The following PRRX1 variants were observed in gnomAD, a reference collection of about 807,000 sequenced individuals.
The protein encoded by PRRX1 is paired mesoderm homeobox protein 1.
A neutral mutation model predicts 24.0 loss-of-function variants in PRRX1; 8 were observed. The observed-to-expected ratio is 0.33, with a 90% CI of 0.20 to 0.60. The LOEUF (loss-of-function observed/expected upper bound fraction) is 0.60, where lower values mean the gene tolerates loss of function less well. Ranked by LOEUF, PRRX1 falls within the 20% of genes least tolerant of loss-of-function variation. PRRX1 has a pLI of 0.82. For synonymous variants in PRRX1, 160 were observed against 131.7 expected (o/e 1.22, Z -1.47); for missense variants, 281 against 322.4 (o/e 0.87, Z 0.98).
At chr1:170,679,861 A>C (rs1322852338) in intron 1 of PRRX1, among the ~76,000 whole-genome samples, 2 of 152,212 alleles carry the variant, frequency 1.3e-5, no homozygotes, top group East Asian at 3.8e-4. Flanking sequence ...GTTTATCTTT[A>C]TCTTCTTTTC....
chr1:170,686,701 A>G (rs1653754752), intron 1 of PRRX1, among the ~76,000 whole-genome samples: 1 of 152,148 alleles, frequency 6.6e-6, no homozygotes, highest in South Asian at 2.1e-4. Context: ...TTGCCTGCAT[A>G]TGGATTTACC....
At chr1:170,684,082 T>C (rs1431854688) in intron 1 of PRRX1, among the ~76,000 whole-genome samples, 1 of 152,198 alleles carries the variant, frequency 6.6e-6, no homozygotes, top group Admixed American at 6.5e-5. Context: ...GGATCTAAAA[T>C]TGTGCCTCAC....
intron 1 of PRRX1, among the ~76,000 whole-genome samples, chr1:170,677,685 G>T (rs962743291): frequency 4.6e-5 from 7 of 152,106 alleles, no homozygotes; most frequent in Admixed American, 1.3e-4. Flanking sequence ...TACTTATACC[G>T]CCACACCATG....
In PRRX1 at chr1:170,737,624, A is replaced by G. The variant is rs1655662035; in HGVS notation, c.*1438A>G. 1 of 215,660 alleles carries G rather than the reference A, an allele frequency of 4.6e-6. No homozygotes were observed. Among genetic ancestry groups the G allele is most frequent in the East Asian group, 6.8e-5 (1 of 14,630 alleles). 13.4% of individuals were successfully genotyped at this position (215,660 alleles called of 1,614,324 possible). A position where few individuals can be genotyped will look rare whatever the true frequency, so the allele number is the denominator to read the frequency against. ...AACATTTAAAAGGCAATTGTGGGCT[A>G]TTTTTATTTTTTAATATTTTGAAAT... is the stretch of plus-strand genomic sequence containing the variant. On this transcript the variant is annotated 3_prime_UTR_variant, in exon 4 of 4. Transcript: ENST00000239461.
chr1:170,695,519 T>C (rs777263437), intron 1 of PRRX1, among the ~76,000 whole-genome samples: 1 of 152,208 alleles, frequency 6.6e-6, no homozygotes, highest in Non-Finnish European at 1.5e-5. Flanking sequence ...GCTATTCTTC[T>C]CTGCTGGGGA....
intron 2 of PRRX1, among the ~76,000 whole-genome samples, chr1:170,724,599 T>C (rs915428933): frequency 6.6e-6 from 1 of 152,194 alleles, no homozygotes; most frequent in Non-Finnish European, 1.5e-5. Flanking sequence ...GTTGTAAATG[T>C]ACAGTCTTTT....
In PRRX1 at chr1:170,737,098, C is replaced by T. The variant is rs918032005; in HGVS notation, c.*912C>T. On this transcript the variant is annotated 3_prime_UTR_variant, in exon 4 of 4. Transcript: ENST00000239461. ...CTAAAAGGCATGCCCACATCTCTTT[C>T]GTGCCTTAAGGATAGTGAGATGCAC... is the stretch of plus-strand genomic sequence containing the variant. The T allele has an allele frequency of 1.7e-5, 3 of 179,322 alleles. No individual in the cohort carries two copies. Among genetic ancestry groups the T allele is most frequent in the African/African-American group, 2.4e-5 (1 of 42,018 alleles). 11.1% of individuals were successfully genotyped at this position (179,322 alleles called of 1,614,324 possible). A position where few individuals can be genotyped will look rare whatever the true frequency, so the allele number is the denominator to read the frequency against.
At position 170,682,273 on chromosome 1, in the gene PRRX1, A is replaced by C. The variant is rs144051939; in HGVS notation, c.241+17814A>C. On this transcript the variant is annotated intron_variant, in intron 1 of 3. Coordinates refer to ENST00000239461, the MANE Select transcript of PRRX1 (RefSeq NM_022716.4). ...CTTCTCCCCTGACCTCTAAGGTCTGAATTCAATGTTCCTTCTGTGTGCTCC... is the reference window on the plus strand; with the variant it reads ...CTTCTCCCCTGACCTCTAAGGTCTGCATTCAATGTTCCTTCTGTGTGCTCC... 5.2e-3 allele frequency among the ~76,000 whole-genome samples: 787 copies of C among 150,746 alleles called. 4 individuals carry two copies. Among genetic ancestry groups the C allele is most frequent in the South Asian group, 0.012 (55 of 4,766 alleles).
intron 1 of PRRX1, chr1:170,668,415 C>G (rs1653026569): frequency 6.6e-6 from 1 of 152,206 alleles, no homozygotes; most frequent in South Asian, 2.1e-4. Flanking sequence ...CACATGTAGT[C>G]ATAAAAAGGT....
intron 1 of PRRX1, among the ~76,000 whole-genome samples, chr1:170,719,245 T>G (rs964499736): frequency 6.6e-6 from 1 of 152,246 alleles, no homozygotes; most frequent in Non-Finnish European, 1.5e-5. Flanking sequence ...TAGTTTCCTC[T>G]CTATAACTCT....
At chr1:170,719,639 A>G (rs1655017308) in intron 1 of PRRX1, 87 bp from the exon 2 acceptor site, 2 of 1,399,696 alleles carry the variant, frequency 1.4e-6, no homozygotes, top group Admixed American at 1.8e-5. Flanking sequence ...ATGAAGCAAG[A>G]TCTCACTATA....
intron 1 of PRRX1, among the ~76,000 whole-genome samples, chr1:170,670,149 G>C (rs1403740819): frequency 1.3e-5 from 2 of 152,144 alleles, no homozygotes; most frequent in South Asian, 4.1e-4. Context: ...AGTGTACACC[G>C]TTGTAATCTT....
chr1:170,663,411 C>G (rs1652793635), upstream of PRRX1: 1 of 114,912 alleles, frequency 8.7e-6, no homozygotes, highest in African/African-American at 3.5e-5. Context: ...AGGAGCCCAG[C>G]AAGAAGAGGG....
rs1653301167 is a variant in PRRX1, at chr1:170,675,733, A to T, written c.241+11274A>T. Among the ~76,000 whole-genome samples, 7 of 152,218 alleles carry T rather than the reference A, an allele frequency of 4.6e-5. No homozygotes were observed. In the South Asian group the frequency reaches 1.2e-3, roughly 27 times the overall value. ...TTATTATTATGAAGTCTATGTAAAAATTTTTCCCAAGCAAGTGGAGATTAA... is the reference window on the plus strand; with the variant it reads ...TTATTATTATGAAGTCTATGTAAAATTTTTTCCCAAGCAAGTGGAGATTAA... On this transcript the variant is annotated intron_variant, in intron 1 of 3. Coordinates refer to ENST00000239461, the MANE Select transcript of PRRX1 (RefSeq NM_022716.4).
At position 170,719,811 on chromosome 1, in the gene PRRX1, G is replaced by A; in HGVS notation, c.327G>A (p.Leu109=). Residue 109 remains leucine, a synonymous_variant, in exon 2 of 4, where the codon TTG becomes TTA. Transcript: ENST00000239461. ...TTFNSSQLQA[L]ERVFERTHYP... The stretch of plus-strand genomic sequence containing the variant: ...TCAATAGCAGCCAGCTGCAGGCTTT[G>A]GAGCGTGTCTTTGAGCGGACACACT... 1 of 1,614,200 alleles carries A rather than the reference G, an allele frequency of 6.2e-7. No individual in the cohort carries two copies. Among genetic ancestry groups the A allele is most frequent in the Non-Finnish European group, 8.5e-7 (1 of 1,180,032 alleles).
At position 170,736,029 on chromosome 1, in the gene PRRX1, C is replaced by G; in HGVS notation, c.600-19C>G. 1 of 1,613,844 alleles carries G rather than the reference C, an allele frequency of 6.2e-7. No homozygotes were observed. The highest frequency in any genetic ancestry group is 8.5e-7 in the Non-Finnish European group (1 of 1,179,756). On this transcript the variant is annotated intron_variant, in intron 3 of 3. Transcript: ENST00000239461. Reference sequence around the variant, plus strand: ...ACTAATGCCTGTTATTCTCCCTGCTCTCTCCTTTGTCCCTACAGCGCCATG... The same window carrying G: ...ACTAATGCCTGTTATTCTCCCTGCTGTCTCCTTTGTCCCTACAGCGCCATG...
rs1470871246 is a variant in PRRX1 at position 170,694,820 on chromosome 1, C to T, written c.242-24906C>T. ...TGAGTAACAGCTGTGCTTGAAGTGG[C>T]CTTATAGATAAAAATTAAAAGTATG... On this transcript the variant is annotated intron_variant, in intron 1 of 3. Coordinates refer to ENST00000239461, the MANE Select transcript of PRRX1 (RefSeq NM_022716.4). 3.3e-5 allele frequency among the ~76,000 whole-genome samples: 5 copies of T among 152,090 alleles called. No individual in the cohort carries two copies. The South Asian group carries it at 8.3e-4, about 25-fold the overall frequency.
At chr1:170,678,010 CT>C (rs1653380711) in intron 1 of PRRX1, among the ~76,000 whole-genome samples, 1 of 152,114 alleles carries the variant, frequency 6.6e-6, no homozygotes, top group African/African-American at 2.4e-5. Context: ...TCTCTCTGTC[CT>C]ATAGTGCCTC....
intron 1 of PRRX1, among the ~76,000 whole-genome samples, chr1:170,689,814 GTCTCTCTCTCTCTCTCTCTCTCTCCC>G (rs1426394283): frequency 0.015 from 1,635 of 108,090 alleles, 28 homozygotes; most frequent in African/African-American, 0.054. Context: ...TTAATATTCC[GTCTCTCTCTCTCTCTCTCTCTCTCCC>G]TCTCTCTCTC....
Sources: allele counts gnomAD v4.1 joint callset (sites outside exome capture counted in the v4.1 genomes callset), GRCh38; gene constraint gnomAD v4.1.1; transcripts MANE v1.5; gene names NCBI Gene and HGNC (gene_info 2026-07-23, HGNC 2026-07-21).